PXDNL: variants seen among roughly 807,000 people sequenced by gnomAD.
PXDNL encodes the protein peroxidasin like, also known as probable oxidoreductase PXDNL.
PXDNL carries 145 observed loss-of-function variants against 150.8 expected under a neutral mutation model. The observed-to-expected ratio is 0.96, with a 90% CI of 0.84 to 1.10. PXDNL has a LOEUF of 1.10. PXDNL is among the 50% of genes least tolerant of loss of function. The pLI, the probability that PXDNL is intolerant of heterozygous loss-of-function variation, is 0.00. For missense variants in PXDNL, 2,087 were observed against 1,873.9 expected (o/e 1.11, Z -2.10); for synonymous variants, 757 against 725.7 (o/e 1.04, Z -0.69).
intron 19 of PXDNL, among the ~76,000 whole-genome samples, chr8:51,366,445 G>A: frequency 6.6e-6 from 1 of 151,822 alleles, no homozygotes; most frequent in East Asian, 1.9e-4. Flanking sequence ...CTCTGAGCCT[G>A]CTCTGGCTCA....
At position 51,655,582 on chromosome 8, in the gene PXDNL, C is replaced by T. The variant is rs185418653; in HGVS notation, c.165-822G>A. Among the ~76,000 whole-genome samples, 6 of 152,278 alleles carry T rather than the reference C, an allele frequency of 3.9e-5. No individual in the cohort carries two copies. The East Asian group carries it at 9.6e-4, about 24-fold the overall frequency. ...AGTTGGAGAACGAGGCGCCCCACTC[C>T]ATGTCATTATGGTAAAGACGTCAAG... On this transcript the variant is annotated intron_variant, in intron 1 of 22. Coordinates refer to ENST00000356297, the MANE Select transcript of PXDNL (RefSeq NM_144651.5).
At chr8:51,683,023 T>C (rs1815787236) in intron 1 of PXDNL, among the ~76,000 whole-genome samples, 2 of 151,718 alleles carry the variant, frequency 1.3e-5, no homozygotes, top group South Asian at 4.2e-4. Flanking sequence ...GTGGAATTTT[T>C]GGATCATATG....
chr8:51,398,358 G>A (rs1808151940), intron 17 of PXDNL, among the ~76,000 whole-genome samples: 1 of 152,182 alleles, frequency 6.6e-6, no homozygotes, highest in Admixed American at 6.5e-5. Flanking sequence ...CATTTACCTT[G>A]GGGCCCCCCA....
intron 17 of PXDNL, among the ~76,000 whole-genome samples, chr8:51,393,248 G>T (rs1391990425): frequency 6.6e-6 from 1 of 152,208 alleles, no homozygotes; most frequent in African/African-American, 2.4e-5. Context: ...ATGGCACTCA[G>T]ATGTGTGCAT....
At chr8:51,608,633 C>T (rs538336239) in intron 2 of PXDNL, among the ~76,000 whole-genome samples, 25 of 148,556 alleles carry the variant, frequency 1.7e-4, no homozygotes, top group Middle Eastern at 3.5e-3. Context: ...GTCAGGAGAT[C>T]CAGACCATCC....
At chr8:51,617,252 C>A (rs1011285607) in intron 2 of PXDNL, among the ~76,000 whole-genome samples, 5 of 152,072 alleles carry the variant, frequency 3.3e-5, no homozygotes, top group Admixed American at 2.6e-4. Flanking sequence ...TTAATGGATC[C>A]ATTTCTTAAA....
chr8:51,729,707 G>T (rs1816881161), intron 1 of PXDNL, among the ~76,000 whole-genome samples: 2 of 152,170 alleles, frequency 1.3e-5, no homozygotes, highest in Admixed American at 1.3e-4. Context: ...GTTTATAGAA[G>T]GTTTAATCAT....
Position 51,796,345 on chromosome 8 carries a change from C to CA in PXDNL, c.164+12835dup, listed in dbSNP as rs774369352. Among the ~76,000 whole-genome samples, 271 of 119,144 alleles carry CA rather than the reference C, an allele frequency of 2.3e-3. 2 individuals carry two copies. Among genetic ancestry groups the CA allele is most frequent in the African/African-American group, 7.1e-3 (210 of 29,546 alleles). 78.2% of individuals were successfully genotyped at this position (119,144 alleles called of 152,430 possible). The stretch of plus-strand genomic sequence containing the variant: ...TAGAGACACACACAACAACAACAAC[C>CA]AAAAAAAAAAAAACCTTCAAAAAAA... On this transcript the variant is annotated intron_variant, in intron 1 of 22. Coordinates refer to ENST00000356297, the MANE Select transcript of PXDNL (RefSeq NM_144651.5).
At chr8:51,465,142 C>T (rs1159979636) in intron 8 of PXDNL, among the ~76,000 whole-genome samples, 1 of 151,954 alleles carries the variant, frequency 6.6e-6, no homozygotes, top group Admixed American at 6.6e-5. Context: ...AACATAAATC[C>T]CAAAATCCTC....
In PXDNL at chr8:51,409,353, G is replaced by A. The variant is rs753036903; in HGVS notation, c.2271C>T (p.Tyr757=). The stretch of plus-strand genomic sequence containing the variant: ...CGCGGGGCGCGCGGATGCCGTCCCG[G>A]TAGGCTGGCTGCAGCAGGCGCGCGA... ...TAFARLLQPA[Y]RDGIRAPRGL... is the part of the protein sequence containing the mutation. Residue 757 remains tyrosine, a synonymous_variant, in exon 17 of 23, where the codon TAC becomes TAT. Transcript: ENST00000356297. The A allele has an allele frequency of 6.5e-7, 1 of 1,544,558 alleles. No individual in the cohort carries two copies. The highest frequency in any genetic ancestry group is 2.1e-5 in the Admixed American group (1 of 48,670).
At chr8:51,708,569 C>T (rs1297757245) in intron 1 of PXDNL, among the ~76,000 whole-genome samples, 1 of 152,080 alleles carries the variant, frequency 6.6e-6, no homozygotes, top group Non-Finnish European at 1.5e-5. Context: ...GGAGTACAGG[C>T]TGAAATTCAA....
rs1266851558 is a variant in PXDNL, at chr8:51,478,638, C to T, written c.525-3497G>A. ...GGGTGATCCTTCAAAGTGCCACGCC[C>T]AGAGTCAAGGGCAGAATTCCCGCTG... On this transcript the variant is annotated intron_variant, in intron 6 of 22. Coordinates refer to ENST00000356297, the MANE Select transcript of PXDNL (RefSeq NM_144651.5). 2.0e-5 allele frequency among the ~76,000 whole-genome samples: 3 copies of T among 152,306 alleles called. No homozygotes were observed. The East Asian group carries it at 5.8e-4, about 29-fold the overall frequency.
chr8:51,383,341 T>C (rs1367820), intron 17 of PXDNL, among the ~76,000 whole-genome samples: 125,361 of 152,108 alleles, frequency 0.82, 51,853 homozygotes, highest in East Asian at 0.94. Context: ...TTGTTCCATA[T>C]CTTAAAATGA....
intron 14 of PXDNL, among the ~76,000 whole-genome samples, chr8:51,415,602 C>T (rs1464133260): frequency 2.0e-5 from 3 of 152,122 alleles, no homozygotes; most frequent in Non-Finnish European, 4.4e-5. Flanking sequence ...TGGACAGGGA[C>T]ACAAATCTAA....
chr8:51,453,540 CAG>C lies in PXDNL; in HGVS notation c.1226_1227del (p.Ala409GlyfsTer32). On this transcript the variant is annotated frameshift_variant, in exon 10 of 23. Transcript: ENST00000356297. LOFTEE classifies it high-confidence loss of function. ...HANNSHGTVQ[A>X]AANIIVQAPP... is the part of the protein sequence containing the mutation. ...ATACCTTGTACAATTATGTTTGCTG[CAG>C]CTTGAACAGTGCCGTGGCTATTGTT... is the stretch of plus-strand genomic sequence containing the variant. 2 of 1,614,032 alleles carry C rather than the reference CAG, an allele frequency of 1.2e-6. No individual in the cohort carries two copies. The highest frequency in any genetic ancestry group is 1.7e-6 in the Non-Finnish European group (2 of 1,179,888).
At chr8:51,433,413 T>G (rs1809308362) in intron 12 of PXDNL, among the ~76,000 whole-genome samples, 1 of 152,084 alleles carries the variant, frequency 6.6e-6, no homozygotes. Flanking sequence ...TCTGTTAAAA[T>G]GATTTGTCCT....
intron 17 of PXDNL, among the ~76,000 whole-genome samples, chr8:51,404,014 T>C (rs777708096): frequency 5.9e-5 from 9 of 152,212 alleles, no homozygotes; most frequent in Admixed American, 1.3e-4. Context: ...TCGCAGTGAG[T>C]GTTACAGCTC....
intron 1 of PXDNL, among the ~76,000 whole-genome samples, chr8:51,798,153 AC>A (rs2037582522): frequency 6.6e-6 from 1 of 151,480 alleles, no homozygotes; most frequent in African/African-American, 2.4e-5. Flanking sequence ...GACTCATTAT[AC>A]AAAAATTATA....
At position 51,719,392 on chromosome 8, in the gene PXDNL, G is replaced by A. The variant is rs576120022; in HGVS notation, c.165-64632C>T. ...GTGCTGTGTCCACTCAGGGTTAAAT[G>A]GATTAAGGGCGGTGCAAGATGTGCT... On this transcript the variant is annotated intron_variant, in intron 1 of 22. Transcript: ENST00000356297. Among the ~76,000 whole-genome samples, 22 of 152,266 alleles carry A rather than the reference G, an allele frequency of 1.4e-4. No homozygotes were observed. The East Asian group carries it at 3.9e-3, about 27-fold the overall frequency.
Sources: allele counts gnomAD v4.1 joint callset (sites outside exome capture counted in the v4.1 genomes callset), GRCh38; gene constraint gnomAD v4.1.1; transcripts MANE v1.5; gene names NCBI Gene and HGNC (gene_info 2026-07-23, HGNC 2026-07-21).